CTDSPL2: variants seen among roughly 807,000 people sequenced by gnomAD.
CTDSPL2 encodes CTD small phosphatase like 2, also known as CTD small phosphatase-like protein 2.
In CTDSPL2, 5 loss-of-function variants were observed where a neutral mutation model predicts 60.0. The ratio of observed to expected loss-of-function variants is 0.08; its 90% CI spans 0.04 to 0.18. CTDSPL2 has a LOEUF of 0.18. Among genes scored for constraint, CTDSPL2 ranks in the 10% least tolerant of loss-of-function variants. CTDSPL2 has a pLI of 1.00. For synonymous variants in CTDSPL2, 186 were observed against 189.3 expected, an observed-to-expected ratio of 0.98 and a Z score of 0.14; for missense variants, 370 against 548.8, an observed-to-expected ratio of 0.67 and a Z score of 3.26.
At chr15:44,431,994 G>A (rs2079870399) in intron 1 of CTDSPL2, among the ~76,000 whole-genome samples, 1 of 152,034 alleles carries the variant, frequency 6.6e-6, no homozygotes, top group Non-Finnish European at 1.5e-5. Context: ...AAAGTGCTGG[G>A]ATTACAGGTG....
At chr15:44,486,859 G>A (rs1413376771) in intron 4 of CTDSPL2, among the ~76,000 whole-genome samples, 159 bp downstream of exon 4, 1 of 151,400 alleles carries the variant, frequency 6.6e-6, no homozygotes, top group African/African-American at 2.4e-5. Context: ...TGCCTCCCAG[G>A]TTCAAGCAAT....
rs1478049108 is a variant in CTDSPL2 at position 44,435,286 on chromosome 15, C to T, written c.-25+7514C>T. On this transcript the variant is annotated intron_variant, in intron 1 of 12. Transcript: ENST00000260327. ...AAAAAAAAAAAAAAAAAGAATCCTT[C>T]TAACTGTGCGCAATGGCTCACGCGT... 7.4e-5 allele frequency among the ~76,000 whole-genome samples: 11 copies of T among 148,698 alleles called. No homozygotes were observed. The East Asian group carries it at 2.2e-3, about 30-fold the overall frequency.
chr15:44,496,421 G>A lies in CTDSPL2; in HGVS notation c.733G>A (p.Glu245Lys). ...TAGTGGTTATTCATCAGCCCACGCGGAGGCCACCTATGAAGAAGACTGGGA... is the reference window on the plus strand; with the variant it reads ...TAGTGGTTATTCATCAGCCCACGCGAAGGCCACCTATGAAGAAGACTGGGA... ...PDSGYSSAHA[E>K]ATYEEDWEVF... The change falls in exon 6 of 13, where the codon GAG (glutamate) becomes AAG (lysine). Residue 245 changes from glutamate (E) to lysine (K), a missense_variant. Glu to Lys is a moderately conservative substitution (Grantham distance 56, BLOSUM62 1). Coordinates refer to ENST00000260327, the MANE Select transcript of CTDSPL2 (RefSeq NM_016396.3). The A allele has an allele frequency of 1.2e-6, 2 of 1,613,938 alleles. No homozygotes were observed. The highest frequency in any genetic ancestry group is 2.2e-5 in the South Asian group (2 of 91,078).
intron 7 of CTDSPL2, among the ~76,000 whole-genome samples, chr15:44,499,149 TC>T (rs1361670566): frequency 6.6e-6 from 1 of 151,066 alleles, no homozygotes; most frequent in Admixed American, 6.6e-5. Context: ...GTGGCTCACT[TC>T]TGTAATCCCA....
At chr15:44,479,448 G>A (rs543200668) in intron 2 of CTDSPL2, among the ~76,000 whole-genome samples, 2 of 96,018 alleles carry the variant, frequency 2.1e-5, no homozygotes, top group Admixed American at 1.7e-4. Context: ...ATCTTGCTCT[G>A]TTGCCCAGGT....
intron 8 of CTDSPL2, among the ~76,000 whole-genome samples, chr15:44,511,867 CAAAAAAAAAA>C (rs68063380): frequency 6.5e-5 from 2 of 30,624 alleles, no homozygotes; most frequent in Middle Eastern, 0.026. Context: ...GACGGTCTCG[CAAAAAAAAAA>C]AAAAAAAAAA....
chr15:44,482,065 C>T (rs1245489783), intron 2 of CTDSPL2, among the ~76,000 whole-genome samples: 1 of 152,120 alleles, frequency 6.6e-6, no homozygotes, highest in Admixed American at 6.6e-5. Flanking sequence ...TTTTTAGTAC[C>T]CTTTATTATC....
intron 2 of CTDSPL2, among the ~76,000 whole-genome samples, chr15:44,472,817 C>A (rs1016221075): frequency 6.6e-6 from 1 of 152,228 alleles, no homozygotes; most frequent in Non-Finnish European, 1.5e-5. Flanking sequence ...GCACATGCCA[C>A]CAAGTCCAAC....
chr15:44,451,248 G>A (rs2080329262), intron 1 of CTDSPL2, among the ~76,000 whole-genome samples: 1 of 151,922 alleles, frequency 6.6e-6, no homozygotes, highest in Non-Finnish European at 1.5e-5. Context: ...CTAGAGGTGT[G>A]CACCACCATG....
chr15:44,493,326 C>T (rs137860193), intron 5 of CTDSPL2, among the ~76,000 whole-genome samples: 1 of 152,036 alleles, frequency 6.6e-6, no homozygotes, highest in Non-Finnish European at 1.5e-5. Context: ...GAGAACATAG[C>T]CAAAGAGAAC....
At chr15:44,494,455 T>A (rs1210822832) in intron 5 of CTDSPL2, among the ~76,000 whole-genome samples, 4 of 151,768 alleles carry the variant, frequency 2.6e-5, no homozygotes, top group South Asian at 2.1e-4. Context: ...CACAAAAAAA[T>A]TTTTAAAAAT....
intron 1 of CTDSPL2, among the ~76,000 whole-genome samples, chr15:44,445,789 C>G (rs182072625): frequency 6.3e-4 from 95 of 151,868 alleles, no homozygotes; most frequent in Admixed American, 1.1e-3. Flanking sequence ...AGGCGCCCAC[C>G]ACCATGCCCA....
At position 44,524,758 on chromosome 15, in the gene CTDSPL2, A is replaced by G. The variant is rs2081845544; in HGVS notation, c.*584A>G. On this transcript the variant is annotated 3_prime_UTR_variant, in exon 13 of 13. Coordinates refer to ENST00000260327, the MANE Select transcript of CTDSPL2 (RefSeq NM_016396.3). ...TAGTCAATTTTTAGTTTTTTATTAT[A>G]CATTTGAATGGCCGTTTTCCTGCTT... The G allele has an allele frequency of 6.6e-6, 1 of 152,630 alleles. No individual in the cohort carries two copies. Among genetic ancestry groups the G allele is most frequent in the Non-Finnish European group, 1.5e-5 (1 of 68,070 alleles). 9.5% of individuals were successfully genotyped at this position (152,630 alleles called of 1,614,324 possible). A position where few individuals can be genotyped will look rare whatever the true frequency, so the allele number is the denominator to read the frequency against.
At chr15:44,447,688 G>C (rs781066929) in intron 1 of CTDSPL2, 1 of 153,488 alleles carries the variant, frequency 6.5e-6, no homozygotes, top group African/African-American at 2.4e-5. Context: ...ACATCCCTTG[G>C]ACTTCACATT....
intron 2 of CTDSPL2, among the ~76,000 whole-genome samples, chr15:44,482,794 T>C (rs1266817852): frequency 3.3e-5 from 5 of 152,204 alleles, no homozygotes; most frequent in Admixed American, 3.3e-4. Flanking sequence ...ATTTTATTAG[T>C]TGCTGTAGGG....
At position 44,461,359 on chromosome 15, in the gene CTDSPL2, C is replaced by T. The variant is rs564283459; in HGVS notation, c.186+2159C>T. Among the ~76,000 whole-genome samples, 9 of 152,196 alleles carry T rather than the reference C, an allele frequency of 5.9e-5. No individual in the cohort carries two copies. In the South Asian group the frequency reaches 1.9e-3, roughly 32 times the overall value. On this transcript the variant is annotated intron_variant, in intron 2 of 12. Coordinates refer to ENST00000260327, the MANE Select transcript of CTDSPL2 (RefSeq NM_016396.3). Reference sequence around the variant, plus strand: ...CAATAACATAAACAATCATTCAACACATATTTTGTATGTTATGTGTATTCT... The same window carrying T: ...CAATAACATAAACAATCATTCAACATATATTTTGTATGTTATGTGTATTCT...
At chr15:44,461,554 A>G (rs1444011659) in intron 2 of CTDSPL2, among the ~76,000 whole-genome samples, 1 of 124,112 alleles carries the variant, frequency 8.1e-6, no homozygotes, top group East Asian at 2.2e-4. Context: ...ATGCCCAGCT[A>G]TTTTTAAAGT....
rs546889309 is a variant in CTDSPL2 at position 44,466,019 on chromosome 15, C to G, written c.186+6819C>G. Among the ~76,000 whole-genome samples the G allele has an allele frequency of 7.6e-4, 116 of 152,026 alleles. 1 individual carries two copies. The South Asian group carries it at 0.014, about 18-fold the overall frequency. ...GGACCATGTTGGCTCACTGCAACCT[C>G]CATCTCCTTGGTCCAAGCAATTCTC... On this transcript the variant is annotated intron_variant, in intron 2 of 12. Transcript: ENST00000260327.
intron 2 of CTDSPL2, among the ~76,000 whole-genome samples, chr15:44,468,853 C>T (rs1046684277): frequency 4.6e-5 from 7 of 152,110 alleles, no homozygotes; most frequent in African/African-American, 1.7e-4. Flanking sequence ...TTCTGAGTAG[C>T]ATGATAAAAT....
Sources: allele counts gnomAD v4.1 joint callset (sites outside exome capture counted in the v4.1 genomes callset), GRCh38; gene constraint gnomAD v4.1.1; transcripts MANE v1.5; gene names NCBI Gene and HGNC (gene_info 2026-07-23, HGNC 2026-07-21).